Variants in KRT6B observed in about 807,000 individuals in gnomAD.
The protein encoded by KRT6B is keratin 6B.
Under a neutral mutation model 44.7 loss-of-function variants are expected in KRT6B, and 29 were observed. That is an observed-to-expected ratio of 0.65 (90% confidence interval 0.48 to 0.88). KRT6B has a LOEUF of 0.88. Ranked by LOEUF, KRT6B falls within the 40% of genes least tolerant of loss-of-function variation. The probability of loss-of-function intolerance (pLI) is 0.00; values close to 1 mark genes in which losing one functional copy is unlikely to be tolerated. For missense variants in KRT6B, 600 were observed against 724.0 expected (o/e 0.83, Z 1.97); for synonymous variants, 213 against 296.0 (o/e 0.72, Z 2.88).
In KRT6B at chr12:52,448,910, G is replaced by C. The variant is rs1423111855; in HGVS notation, c.1135C>G (p.Gln379Glu). Reference protein sequence around the residue: ...RHGDDLRNTKQEIAEINRMIQ... With the variant: ...RHGDDLRNTKEEIAEINRMIQ... ...ATGCGGTTGATCTCAGCAATCTCCT[G>C]CTTGGTGTTGCGCAGGTCGTCCCCA... is the stretch of plus-strand genomic sequence containing the variant. Residue 379 changes from glutamine to glutamate, a missense_variant, in exon 6 of 9, where the codon CAG becomes GAG. This residue lies in a region of KRT6B where 479 missense variants were observed against 454.2 expected (regional missense o/e 1.05). Coordinates refer to ENST00000252252, the MANE Select transcript of KRT6B (RefSeq NM_005555.4). 2.5e-6 allele frequency: 4 copies of C among 1,613,936 alleles called. No individual in the cohort carries two copies. Among genetic ancestry groups the C allele is most frequent in the Non-Finnish European group, 3.4e-6 (4 of 1,179,992 alleles).
chr12:52,447,553 C>T lies in KRT6B; in HGVS notation c.1445G>A (p.Gly482Glu), dbSNP rs1940330992. The change falls in exon 8 of 9, where the codon GGA becomes GAA. Residue 482 changes from glycine to glutamate, a missense_variant. By Grantham distance (98) the Gly-to-Glu change is moderately conservative. This residue lies in a region of KRT6B where 479 missense variants were observed against 454.2 expected (regional missense o/e 1.05). Transcript: ENST00000252252. ...EECRLNGEGVGQVNISVVQST... is the reference protein window; with the variant it reads ...EECRLNGEGVEQVNISVVQST... ...AAGGTACTTACAGATGTTGACTTGT[C>T]CAACGCCTTCGCCATTCAGCCTGTG... 1 of 1,614,000 alleles carries T rather than the reference C, an allele frequency of 6.2e-7. No homozygotes were observed. The highest frequency in any genetic ancestry group is 1.3e-5 in the African/African-American group (1 of 75,058).
In KRT6B at chr12:52,450,457, A is replaced by C. The variant is rs529792162; in HGVS notation, c.704T>G (p.Leu235Arg). Residue 235 changes from leucine (L) to arginine (R), a missense_variant, in exon 2 of 9, where the codon CTG (leucine) becomes CGG (arginine). Transcript: ENST00000252252. ...CTGCATGTTTCTCAGCTCCGAGTCC[A>C]GACGACCCCGTTCCCCCACGATGTT... The part of the protein sequence containing the change: ...LDNIVGERGR[L>R]DSELRNMQDL... The C allele has an allele frequency of 6.2e-7, 1 of 1,614,176 alleles. No homozygotes were observed. Among genetic ancestry groups the C allele is most frequent in the South Asian group, 1.1e-5 (1 of 91,074 alleles).
In KRT6B at chr12:52,447,423, C is replaced by T. The variant is rs1391715239; in HGVS notation, c.1462G>A (p.Val488Ile). ...CCACTGGAGACGGTGGACTGCACTA[C>T]AGCTGTGGTGGGGAGGGGACAAGGA... is the stretch of plus-strand genomic sequence containing the variant. ...GEGVGQVNIS[V>I]VQSTVSSGYG... The change falls in exon 9 of 9, where the codon GTA becomes ATA. Residue 488 changes from valine to isoleucine, a missense_variant and splice_region_variant. Val to Ile is a conservative substitution (Grantham distance 29). Transcript: ENST00000252252. 3 of 1,614,088 alleles carry T rather than the reference C, an allele frequency of 1.9e-6. No homozygotes were observed. The highest frequency in any genetic ancestry group is 2.5e-6 in the Non-Finnish European group (3 of 1,179,962).
rs551993272 is a variant in KRT6B, at chr12:52,451,219, C to A, written c.540+320G>T. Among the ~76,000 whole-genome samples the A allele has an allele frequency of 5.6e-3, 844 of 151,150 alleles. 5 individuals are homozygous for A. The highest frequency in any genetic ancestry group is 9.7e-3 in the South Asian group (46 of 4,738). On this transcript the variant is annotated intron_variant, in intron 1 of 8. Transcript: ENST00000252252. Reference sequence around the variant, plus strand: ...AGTGTAATTTACCAGCCCATATACTCCTGGCATTTGCTTTGTAATCTCTTA... The same window carrying A: ...AGTGTAATTTACCAGCCCATATACTACTGGCATTTGCTTTGTAATCTCTTA...
Position 52,449,778 on chromosome 12 carries a change from G to A in KRT6B, c.892C>T (p.Leu298=). 1 of 1,614,012 alleles carries A rather than the reference G, an allele frequency of 6.2e-7. No individual in the cohort carries two copies. Among genetic ancestry groups the A allele is most frequent in the South Asian group, 1.1e-5 (1 of 91,074 alleles). Residue 298 remains leucine, a synonymous_variant, in exon 4 of 9, where the codon CTG becomes TTG. Transcript: ENST00000252252. ...CTTACTGCATCATACAAGGCTCTCA[G>A]GAAGTTGATCTCATCTGTAAGAGTG... The part of the protein sequence containing the change: ...ADTLTDEINF[L]RALYDAELSQ...
chr12:52,450,041 C>A lies in KRT6B; in HGVS notation c.787G>T (p.Ala263Ser). 6.2e-7 allele frequency: 1 copy of A among 1,614,014 alleles called. No individual in the cohort carries two copies. ...TTCAGAGTCACAAATTCATTCTCTG[C>A]TGCTGTGCGCTTGTTGATTTCATCC... ...YEDEINKRTA[A>S]ENEFVTLKKD... Residue 263 changes from alanine to serine, a missense_variant, in exon 3 of 9, where the codon GCA becomes TCA. By Grantham distance (99) the Ala-to-Ser change is moderately conservative. This residue lies in a region of KRT6B where 479 missense variants were observed against 454.2 expected (regional missense o/e 1.05). Coordinates refer to ENST00000252252, the MANE Select transcript of KRT6B (RefSeq NM_005555.4).
At position 52,448,007 on chromosome 12, in the gene KRT6B, G is replaced by A. The variant is rs369802374; in HGVS notation, c.1204-9C>T. ...GCCTGTAGGTTGGCACACTAGGAGGGCAAAGGAAGAGAAAGAACTTGTCAT... is the reference window on the plus strand; with the variant it reads ...GCCTGTAGGTTGGCACACTAGGAGGACAAAGGAAGAGAAAGAACTTGTCAT... On this transcript the variant is annotated splice_polypyrimidine_tract_variant and intron_variant, in intron 6 of 8. Transcript: ENST00000252252. The A allele has an allele frequency of 1.2e-6, 2 of 1,613,998 alleles. No homozygotes were observed. The highest frequency in any genetic ancestry group is 2.7e-5 in the African/African-American group (2 of 74,942).
chr12:52,447,615 G>A (rs201589403), intron 7 of KRT6B, 42 bp from the exon 8 acceptor site: 81 of 1,613,884 alleles, frequency 5.0e-5, no homozygotes, highest in Admixed American at 2.3e-4. Flanking sequence ...TTCCCTGGAC[G>A]AGCATGGGAA....
intron 8 of KRT6B, 44 bp downstream of exon 8, chr12:52,447,495 G>T (rs756934692): frequency 2.5e-6 from 4 of 1,614,052 alleles, no homozygotes; most frequent in Non-Finnish European, 3.4e-6. Flanking sequence ...AGCCCAGTCA[G>T]GAGAGTGCAA....
chr12:52,450,381 G>A (rs757739859), intron 2 of KRT6B, 25 bp downstream of exon 2: 2 of 1,602,136 alleles, frequency 1.2e-6, no homozygotes, highest in Non-Finnish European at 1.7e-6. Flanking sequence ...CTTGAAGTGT[G>A]TGCTGCAGGA....
chr12:52,450,376 A>T (rs1438108383), intron 2 of KRT6B, 30 bp downstream of exon 2: 1 of 1,609,876 alleles, frequency 6.2e-7, no homozygotes, highest in Non-Finnish European at 8.5e-7. Context: ...ATAGTCTTGA[A>T]GTGTGTGCTG....
rs1309498871 is a variant in KRT6B at position 52,449,515 on chromosome 12, A to G, written c.1031T>C (p.Ile344Thr). The change falls in exon 5 of 9, where the codon ATT (isoleucine) becomes ACT (threonine). Residue 344 changes from isoleucine (I) to threonine (T), a missense_variant. Physicochemically the swap from Ile to Thr is moderately conservative, Grantham distance 89. Transcript: ENST00000252252. ...IAEVKAQYEE[I>T]AQRSRAEAES... ...AGCCTCAGCCCTGCTCCTCTGAGCA[A>G]TCTCCTCATATTGGGCCTTGACCTC... 12 of 1,614,006 alleles carry G rather than the reference A, an allele frequency of 7.4e-6. No individual in the cohort carries two copies. In the African/African-American group the frequency reaches 1.1e-4, roughly 14 times the overall value.
intron 2 of KRT6B, 128 bp downstream of exon 2, chr12:52,450,278 G>A (rs1298287539): frequency 2.1e-6 from 3 of 1,447,574 alleles, no homozygotes; most frequent in Non-Finnish European, 2.9e-6. Context: ...GGTTCTTGCA[G>A]GTTTGCTCCT....
chr12:52,450,362 C>T (rs762938063), intron 2 of KRT6B, 44 bp downstream of exon 2: 5 of 1,603,314 alleles, frequency 3.1e-6, no homozygotes, highest in Non-Finnish European at 3.4e-6. Flanking sequence ...GCCCTGGTCA[C>T]CCAATAGTCT....
At chr12:52,450,881 T>A (rs71455203) in intron 1 of KRT6B, among the ~76,000 whole-genome samples, 2 of 152,250 alleles carry the variant, frequency 1.3e-5, no homozygotes, top group Non-Finnish European at 2.9e-5. Flanking sequence ...CATTTCTTCT[T>A]TTCTTTTTCC....
At chr12:52,448,529 A>G (rs1049629995) in intron 6 of KRT6B, among the ~76,000 whole-genome samples, 3 of 152,146 alleles carry the variant, frequency 2.0e-5, no homozygotes, top group African/African-American at 7.2e-5. Flanking sequence ...CTGACCTGAC[A>G]TCTTGCCCAA....
intron 5 of KRT6B, 85 bp downstream of exon 5, chr12:52,449,384 G>C: frequency 6.3e-7 from 1 of 1,593,390 alleles, no homozygotes; most frequent in Non-Finnish European, 8.6e-7. Context: ...TTCCTGTCAG[G>C]GGATGTCCCC....
At chr12:52,447,479 G>C in intron 8 of KRT6B, 54 bp from the exon 9 acceptor site, 1 of 1,614,044 alleles carries the variant, frequency 6.2e-7, no homozygotes, top group Non-Finnish European at 8.5e-7. Flanking sequence ...TCATCCTGCC[G>C]GCCTGAGCCC....
At chr12:52,450,351 G>A (rs1177832949) in intron 2 of KRT6B, 55 bp downstream of exon 2, 2 of 1,584,832 alleles carry the variant, frequency 1.3e-6, no homozygotes, top group East Asian at 2.2e-5. Context: ...ACACACATCT[G>A]GCCCTGGTCA....
Sources: allele counts gnomAD v4.1 joint callset (sites outside exome capture counted in the v4.1 genomes callset), GRCh38; gene constraint gnomAD v4.1.1; regional missense constraint gnomAD v4.1.1; transcripts MANE v1.5; gene names NCBI Gene and HGNC (gene_info 2026-07-23, HGNC 2026-07-21).